Variants in IGFL2 observed in about 807,000 individuals in gnomAD.
The protein encoded by IGFL2 is IGF like family member 2.
IGFL2 carries 7 observed loss-of-function variants against 13.9 expected under a neutral mutation model. That is an observed-to-expected ratio of 0.51 (90% CI 0.29 to 0.95). The LOEUF is 0.95. IGFL2 is among the 40% of genes least tolerant of loss of function. The pLI, the probability that IGFL2 is intolerant of heterozygous loss-of-function variation, is 0.08. For synonymous variants in IGFL2, 55 were observed against 55.8 expected, an observed-to-expected ratio of 0.99 and a Z score of 0.07; for missense variants, 138 against 147.8, an observed-to-expected ratio of 0.93 and a Z score of 0.34.
Position 46,160,341 on chromosome 19 carries a change from G to C in IGFL2, c.20-74G>C, listed in dbSNP as rs984575426. 3 of 1,374,532 alleles carry C rather than the reference G, an allele frequency of 2.2e-6. No homozygotes were observed. In the African/African-American group the frequency reaches 4.3e-5, roughly 20 times the overall value. The allele number at this position is 1,374,532 out of a possible 1,614,324, so 85.1% of individuals were successfully genotyped here. A position where few individuals can be genotyped will look rare whatever the true frequency, so the allele number is the denominator to read the frequency against. On this transcript the variant is annotated intron_variant, in intron 1 of 3. Transcript: ENST00000377693. ...CTGGAACTAAGCCTTCCCCACCCTG[G>C]CCTGCCCTCCCTGAGATCAACCTAG...
the IGFL2 span, among the ~76,000 whole-genome samples, chr19:46,166,323 A>C: frequency 6.6e-6 from 1 of 152,170 alleles, no homozygotes; most frequent in Admixed American, 6.5e-5. Flanking sequence ...GATGCCCCAC[A>C]AGCCACAAAA....
chr19:46,213,318 T>C, the IGFL2 span: 1 of 152,364 alleles, frequency 6.6e-6, no homozygotes, highest in African/African-American at 2.4e-5. Context: ...CCTGGCTCCT[T>C]TACTGCCCAG....
At chr19:46,092,258 C>G in the IGFL2 span, among the ~76,000 whole-genome samples, 4 of 152,242 alleles carry the variant, frequency 2.6e-5, no homozygotes, top group South Asian at 6.2e-4. Context: ...CTCCTGGGCT[C>G]AAGCGATTCT....
chr19:46,154,218 G>A (rs1477539806), intron 1 of IGFL2, among the ~76,000 whole-genome samples: 5 of 152,170 alleles, frequency 3.3e-5, no homozygotes, highest in African/African-American at 9.6e-5. Flanking sequence ...CTTCTGGCCC[G>A]TCTGCCTCTG....
the IGFL2 span, among the ~76,000 whole-genome samples, chr19:46,088,571 T>G: frequency 6.6e-6 from 1 of 152,248 alleles, no homozygotes. Flanking sequence ...TCCATTCAGC[T>G]TCTTGTCATT....
the IGFL2 span, among the ~76,000 whole-genome samples, chr19:46,103,299 G>C: frequency 1.3e-5 from 2 of 152,064 alleles, no homozygotes; most frequent in African/African-American, 4.8e-5. Flanking sequence ...GGCGATTTTG[G>C]AGGAAAAAGA....
the IGFL2 span, among the ~76,000 whole-genome samples, chr19:46,078,900 T>C: frequency 1.5e-5 from 1 of 67,804 alleles, no homozygotes; most frequent in East Asian, 5.0e-4. Context: ...TCAGTAGACA[T>C]CGCGCAGGCG....
chr19:46,174,516 C>T, the IGFL2 span, among the ~76,000 whole-genome samples: 3 of 152,162 alleles, frequency 2.0e-5, no homozygotes, highest in African/African-American at 7.2e-5. Context: ...CTGAAAGTTT[C>T]CCAATCATGG....
the IGFL2 span, among the ~76,000 whole-genome samples, chr19:46,183,086 G>C: frequency 6.6e-6 from 1 of 152,144 alleles, no homozygotes; most frequent in Non-Finnish European, 1.5e-5. Flanking sequence ...TGGCTGGGGA[G>C]GCCTCGGGAA....
the IGFL2 span, chr19:46,174,131 G>A: frequency 6.6e-6 from 1 of 152,210 alleles, no homozygotes; most frequent in African/African-American, 2.4e-5. Flanking sequence ...CTTAGCACTG[G>A]CGAATACAGA....
chr19:46,148,966 G>A, intron 1 of IGFL2: 7 of 1,585,172 alleles, frequency 4.4e-6, no homozygotes, highest in Non-Finnish European at 5.1e-6. Flanking sequence ...GAGTTCCTGG[G>A]CTCTCAGCGC....
At chr19:46,172,645 TTAGCCTC>T in the IGFL2 span, among the ~76,000 whole-genome samples, 6 of 152,174 alleles carry the variant, frequency 3.9e-5, no homozygotes, top group Admixed American at 6.5e-5. Context: ...AATGCCAGCT[TTAGCCTC>T]AAGGCCAGCT....
At chr19:46,208,877 G>C in the IGFL2 span, 1 of 151,952 alleles carries the variant, frequency 6.6e-6, no homozygotes, top group Non-Finnish European at 1.5e-5. Context: ...GTCTCAGGTA[G>C]TTTTTTTTAG....
the IGFL2 span, among the ~76,000 whole-genome samples, chr19:46,078,660 C>T: frequency 2.0e-5 from 3 of 152,248 alleles, no homozygotes; most frequent in African/African-American, 7.2e-5. Context: ...ATGCATCAAA[C>T]ATAGCTATGT....
chr19:46,080,256 G>T, the IGFL2 span, among the ~76,000 whole-genome samples: 1 of 152,276 alleles, frequency 6.6e-6, no homozygotes, highest in South Asian at 2.1e-4. Context: ...CATTTAAGCT[G>T]CGAGCCGTGG....
At chr19:46,101,701 C>T in the IGFL2 span, among the ~76,000 whole-genome samples, 2 of 152,184 alleles carry the variant, frequency 1.3e-5, no homozygotes, top group Non-Finnish European at 2.9e-5. Flanking sequence ...GCTGCAGTTG[C>T]AGTGATGATG....
the IGFL2 span, chr19:46,180,618 G>A: frequency 6.6e-6 from 1 of 152,296 alleles, no homozygotes; most frequent in Non-Finnish European, 1.5e-5. Flanking sequence ...ACTGTAAGGT[G>A]AAGTCCCACA....
intron 1 of IGFL2, among the ~76,000 whole-genome samples, chr19:46,149,680 C>A (rs543294838): frequency 6.6e-6 from 1 of 152,160 alleles, no homozygotes; most frequent in African/African-American, 2.4e-5. Flanking sequence ...GTTTTCAAGG[C>A]ATATCCCCAT....
chr19:46,179,474 G>A, the IGFL2 span: 4 of 153,044 alleles, frequency 2.6e-5, no homozygotes, highest in Non-Finnish European at 5.8e-5. Context: ...GCTCGGGTGG[G>A]GTCCTCCTTA....
Sources: gnomAD v4.1 joint callset for allele counts (sites outside exome capture counted in the v4.1 genomes callset) on GRCh38, gnomAD v4.1.1 for gene constraint, MANE v1.5 for transcripts, NCBI Gene and HGNC (gene_info 2026-07-23, HGNC 2026-07-21) for gene names.